Variants in SLC36A1 observed in about 807,000 individuals in gnomAD.
SLC36A1 encodes the protein solute carrier family 36 member 1, also known as proton-coupled amino acid transporter 1.
SLC36A1 carries 30 observed loss-of-function variants against 47.5 expected under a neutral mutation model. The ratio of observed to expected loss-of-function variants is 0.63; its 90% CI spans 0.47 to 0.86. The LOEUF (loss-of-function observed/expected upper bound fraction) is 0.86, where lower values mean the gene tolerates loss of function less well. Ranked by LOEUF, SLC36A1 falls within the 40% of genes least tolerant of loss-of-function variation. The pLI, the probability that SLC36A1 is intolerant of heterozygous loss-of-function variation, is 0.00. For missense variants in SLC36A1, 517 were observed against 606.0 expected (o/e 0.85, Z 1.54); for synonymous variants, 255 against 249.7 (o/e 1.02, Z -0.20).
chr5:151,452,334 T>C (rs1292096573), intron 1 of SLC36A1: 2 of 152,256 alleles, frequency 1.3e-5, no homozygotes, highest in African/African-American at 4.8e-5. Context: ...TCTTTGTTCA[T>C]GTTTTTAGAA....
At chr5:151,517,530 A>C in the SLC36A1 span, 65 of 1,498,018 alleles carry the variant, frequency 4.3e-5, no homozygotes, top group Non-Finnish European at 5.6e-5. Context: ...CTTTGGCAGA[A>C]ATGGGCTTCC....
chr5:151,531,547 T>C, the SLC36A1 span: 8 of 1,608,938 alleles, frequency 5.0e-6, no homozygotes, highest in Non-Finnish European at 6.8e-6. The surrounding 1 kb of genome is among the most constrained non-coding windows in gnomAD (Gnocchi z 5.7). Flanking sequence ...CCAGAAACCC[T>C]GTACGCGATG....
the SLC36A1 span, among the ~76,000 whole-genome samples, chr5:151,537,348 G>C: frequency 2.0e-5 from 1 of 50,502 alleles, no homozygotes; most frequent in African/African-American, 5.0e-5. Flanking sequence ...GAAAAGAAAA[G>C]AAAAAAGAAG....
chr5:151,488,106 G>T lies in SLC36A1; in HGVS notation c.1283G>T (p.Gly428Val). The T allele has an allele frequency of 2.5e-6, 4 of 1,614,182 alleles. No homozygotes were observed. The highest frequency in any genetic ancestry group is 1.7e-6 in the Non-Finnish European group (2 of 1,180,030). ...LLEVTTFYSE[G>V]MSPLTIFKDA... ...GAGGTCACCACCTTCTACTCAGAGG[G>T]CATGAGCCCCCTCACCATCTTTAAG... is the stretch of plus-strand genomic sequence containing the variant. Residue 428 changes from glycine to valine, a missense_variant, in exon 11 of 11, where the codon GGC becomes GTC. Physicochemically the swap from Gly to Val is moderately radical, Grantham distance 109. Transcript: ENST00000243389.
At chr5:151,385,798 A>G in the SLC36A1 span, among the ~76,000 whole-genome samples, 303 of 152,248 alleles carry the variant, frequency 2.0e-3, no homozygotes, top group Middle Eastern at 0.01. Flanking sequence ...TTTGCACACA[A>G]TTCTAGGAAG....
At chr5:151,476,897 T>A (rs772971761) in intron 9 of SLC36A1, 141 bp downstream of exon 9, 1 of 1,045,532 alleles carries the variant, frequency 9.6e-7, no homozygotes, top group Non-Finnish European at 1.4e-6. Context: ...CTGCCAGCCC[T>A]CACTGGCTGC....
At chr5:151,497,536 G>A in the SLC36A1 span, among the ~76,000 whole-genome samples, 1 of 152,094 alleles carries the variant, frequency 6.6e-6, no homozygotes, top group African/African-American at 2.4e-5. Flanking sequence ...ATCCAGAATG[G>A]TGCCTTTTTA....
chr5:151,545,409 G>A, the SLC36A1 span: 1 of 1,614,166 alleles, frequency 6.2e-7, no homozygotes, highest in Non-Finnish European at 8.5e-7. Context: ...CAGTTTTGAT[G>A]CTATAATTGA....
the SLC36A1 span, among the ~76,000 whole-genome samples, chr5:151,382,618 G>C: frequency 6.6e-6 from 1 of 152,192 alleles, no homozygotes; most frequent in Non-Finnish European, 1.5e-5. Context: ...TAACCATAGT[G>C]TGCATGTGGG....
chr5:151,352,257 T>C, the SLC36A1 span, among the ~76,000 whole-genome samples: 4 of 152,174 alleles, frequency 2.6e-5, no homozygotes, highest in African/African-American at 9.7e-5. Flanking sequence ...CAATTTGTAA[T>C]TATCTTGATT....
intron 1 of SLC36A1, among the ~76,000 whole-genome samples, chr5:151,441,047 G>T (rs1180794330): frequency 6.6e-6 from 1 of 152,336 alleles, no homozygotes. Flanking sequence ...TGCAGTAGGT[G>T]TAGAGTAGGA....
At chr5:151,513,699 C>T in the SLC36A1 span, among the ~76,000 whole-genome samples, 2 of 152,012 alleles carry the variant, frequency 1.3e-5, no homozygotes, top group Non-Finnish European at 2.9e-5. Flanking sequence ...TATGATACAT[C>T]GGTTACCCGT....
At chr5:151,530,679 G>T in the SLC36A1 span, among the ~76,000 whole-genome samples, 3 of 152,286 alleles carry the variant, frequency 2.0e-5, no homozygotes, top group African/African-American at 7.2e-5. Flanking sequence ...TTATCTTTTA[G>T]GTGTGATAAG....
the SLC36A1 span, chr5:151,537,687 A>T: frequency 1.8e-6 from 2 of 1,117,386 alleles, no homozygotes; most frequent in Non-Finnish European, 2.6e-6. Context: ...GTTTGCTGAT[A>T]GATGAGTGAA....
the SLC36A1 span, among the ~76,000 whole-genome samples, chr5:151,500,612 A>C: frequency 3.3e-5 from 5 of 152,110 alleles, no homozygotes; most frequent in Non-Finnish European, 5.9e-5. Flanking sequence ...AGGTGATCCA[A>C]CCACCTCGGC....
chr5:151,371,004 T>A, the SLC36A1 span, among the ~76,000 whole-genome samples: 3 of 152,066 alleles, frequency 2.0e-5, no homozygotes, highest in African/African-American at 7.2e-5. Context: ...ATAATAATAA[T>A]AAAATAAATT....
At chr5:151,431,807 T>C in the SLC36A1 span, among the ~76,000 whole-genome samples, 2 of 152,210 alleles carry the variant, frequency 1.3e-5, no homozygotes. Context: ...CGAGTGTGTC[T>C]TTATGAGCAG....
At chr5:151,428,640 CTT>C in the SLC36A1 span, among the ~76,000 whole-genome samples, 2 of 147,482 alleles carry the variant, frequency 1.4e-5, no homozygotes, top group Admixed American at 6.8e-5. Context: ...ACTCTGCTGA[CTT>C]TTTTTTTTTA....
chr5:151,542,106 A>G, the SLC36A1 span, among the ~76,000 whole-genome samples: 1 of 152,228 alleles, frequency 6.6e-6, no homozygotes, highest in African/African-American at 2.4e-5. Flanking sequence ...TGTGAGGTGA[A>G]TGAGAACATG....
Sources: gnomAD v4.1 joint callset for allele counts (sites outside exome capture counted in the v4.1 genomes callset) on GRCh38, gnomAD v4.1.1 for gene constraint, Gnocchi (gnomAD v3.1) non-coding constraint, MANE v1.5 for transcripts, NCBI Gene and HGNC (gene_info 2026-07-23, HGNC 2026-07-21) for gene names.